Variants in TMEM126A observed in about 807,000 individuals in gnomAD.
TMEM126A encodes optic atrophy 7.
Under a neutral mutation model 18.3 loss-of-function variants are expected in TMEM126A, and 10 were observed. The observed-to-expected ratio is 0.55, with a 90% CI of 0.34 to 0.93. The LOEUF (loss-of-function observed/expected upper bound fraction) is 0.93, where lower values mean the gene tolerates loss of function less well. Among genes scored for constraint, TMEM126A ranks in the 40% least tolerant of loss-of-function variants. The pLI, the probability that TMEM126A is intolerant of heterozygous loss-of-function variation, is 0.02. For synonymous variants in TMEM126A, 68 were observed against 78.1 expected (o/e 0.87, Z 0.68); for missense variants, 246 against 230.2 (o/e 1.07, Z -0.44).
intron 3 of TMEM126A, chr11:85,655,321 C>T (rs555283799): frequency 2.8e-6 from 1 of 354,756 alleles, no homozygotes; most frequent in South Asian, 2.7e-5. Context: ...AAAAACAAGG[C>T]AGAAAGCTAG....
rs774514589 is a variant in TMEM126A, at chr11:85,656,297, G to A, written c.396-12G>A. The stretch of plus-strand genomic sequence containing the variant: ...ATCTTTTCTATTGAACTATCTCAAT[G>A]TTTTCTTACAGGTATCAATCAGCTC... On this transcript the variant is annotated splice_polypyrimidine_tract_variant and intron_variant, in intron 4 of 4. Transcript: ENST00000304511. 1.9e-6 allele frequency: 3 copies of A among 1,608,884 alleles called. No individual in the cohort carries two copies.
intron 2 of TMEM126A, among the ~76,000 whole-genome samples, chr11:85,652,024 T>A (rs914052892): frequency 1.3e-5 from 2 of 152,080 alleles, no homozygotes; most frequent in African/African-American, 4.8e-5. Flanking sequence ...ATTAGCCAGA[T>A]GTGGGGGCAC....
intron 2 of TMEM126A, among the ~76,000 whole-genome samples, chr11:85,653,553 TC>T (rs1161095468): frequency 3.3e-5 from 5 of 152,230 alleles, no homozygotes; most frequent in Admixed American, 6.5e-5. Flanking sequence ...CAAATCCAGT[TC>T]TACCACTACC....
At position 85,648,108 on chromosome 11, in the gene TMEM126A, A is replaced by T. The variant is rs910993897; in HGVS notation, c.-8+19A>T. On this transcript the variant is annotated intron_variant, in intron 1 of 4. Coordinates refer to ENST00000304511, the MANE Select transcript of TMEM126A (RefSeq NM_032273.4). Reference sequence around the variant, plus strand: ...GCATAAGGTACTGGTATTCCGGGGGAGGGGGTGAAGTAAATGTCCCGGTGT... The same window carrying T: ...GCATAAGGTACTGGTATTCCGGGGGTGGGGGTGAAGTAAATGTCCCGGTGT... 3.9e-5 allele frequency: 6 copies of T among 152,272 alleles called. No individual in the cohort carries two copies. The highest frequency in any genetic ancestry group is 9.7e-5 in the African/African-American group (4 of 41,430). The allele number at this position is 152,272 out of a possible 1,614,324, so 9.4% of individuals were successfully genotyped here.
chr11:85,648,391 C>T lies in TMEM126A; in HGVS notation c.-8+302C>T, dbSNP rs140108231. On this transcript the variant is annotated intron_variant, in intron 1 of 4. Coordinates refer to ENST00000304511, the MANE Select transcript of TMEM126A (RefSeq NM_032273.4). ...CCACTTTACTTCTCTTTCAGATAGGCCCCACACTGCCTATCTCTCAGAGCT... is the reference window on the plus strand; with the variant it reads ...CCACTTTACTTCTCTTTCAGATAGGTCCCACACTGCCTATCTCTCAGAGCT... Among the ~76,000 whole-genome samples the T allele has an allele frequency of 4.9e-3, 753 of 152,252 alleles. 6 individuals are homozygous for T. The highest frequency in any genetic ancestry group is 0.017 in the African/African-American group (710 of 41,544).
intron 4 of TMEM126A, 38 bp from the exon 5 acceptor site, chr11:85,656,271 A>G (rs1247440676): frequency 1.3e-6 from 2 of 1,585,066 alleles, no homozygotes; most frequent in Non-Finnish European, 1.7e-6. Flanking sequence ...TTGATGCAAC[A>G]ATCTTTTCTA....
intron 2 of TMEM126A, 62 bp from the exon 3 acceptor site, chr11:85,654,001 G>A (rs764488334): frequency 6.3e-7 from 1 of 1,576,662 alleles, no homozygotes; most frequent in Middle Eastern, 1.7e-4. Context: ...CACATGTCAA[G>A]ATCGGGAAAG....
chr11:85,648,469 A>G (rs1219040288), intron 1 of TMEM126A, among the ~76,000 whole-genome samples: 1 of 152,262 alleles, frequency 6.6e-6, no homozygotes, highest in African/African-American at 2.4e-5. Context: ...AAATATTTGT[A>G]GTTTTTACAG....
chr11:85,655,550 T>C, intron 3 of TMEM126A, 44 bp from the exon 4 acceptor site: 1 of 1,376,874 alleles, frequency 7.3e-7, no homozygotes, highest in African/African-American at 1.4e-5. Context: ...TCATGTTTGC[T>C]TGACTATCAT....
At position 85,655,724 on chromosome 11, in the gene TMEM126A, CT is replaced by C; in HGVS notation, c.395+21del. 2 of 1,555,222 alleles carry C rather than the reference CT, an allele frequency of 1.3e-6. No individual in the cohort carries two copies. The highest frequency in any genetic ancestry group is 1.8e-6 in the Non-Finnish European group (2 of 1,126,814). On this transcript the variant is annotated intron_variant, in intron 4 of 4. Transcript: ENST00000304511. Reference sequence around the variant, plus strand: ...TAGCAGCCAGGTAGGAAATAAAAAACTTTTTATAATATGTGATTACCTATAA... The same window carrying C: ...TAGCAGCCAGGTAGGAAATAAAAAACTTTTATAATATGTGATTACCTATAA...
chr11:85,655,617 A>C lies in TMEM126A; in HGVS notation c.304A>C (p.Thr102Pro). Residue 102 changes from threonine to proline, a missense_variant, in exon 4 of 5, where the codon ACC becomes CCC. By Grantham distance (38) the Thr-to-Pro change is conservative (BLOSUM62 -1). Coordinates refer to ENST00000304511, the MANE Select transcript of TMEM126A (RefSeq NM_032273.4). The part of the protein sequence containing the change: ...NTGDLDCETC[T>P]ITRSGLTGLV... ...AGGTGATTTGGATTGTGAAACCTGT[A>C]CCATAACACGGAGTGGACTGACTGG... The C allele has an allele frequency of 6.2e-7, 1 of 1,613,594 alleles. No homozygotes were observed. The highest frequency in any genetic ancestry group is 8.5e-7 in the Non-Finnish European group (1 of 1,179,612).
chr11:85,656,449 A>T lies in TMEM126A; in HGVS notation c.536A>T (p.Lys179Ile), dbSNP rs761188226. The T allele has an allele frequency of 6.2e-7, 1 of 1,613,356 alleles. No homozygotes were observed. Among genetic ancestry groups the T allele is most frequent in the South Asian group, 1.1e-5 (1 of 91,058 alleles). Residue 179 changes from lysine to isoleucine, a missense_variant, in exon 5 of 5, where the codon AAA becomes ATA. Physicochemically the swap from Lys to Ile is moderately radical, Grantham distance 102. Coordinates refer to ENST00000304511, the MANE Select transcript of TMEM126A (RefSeq NM_032273.4). ...FSAYLGSEQY[K>I]LLIKALQLSE... ...GCATACCTTGGGTCTGAACAATATA[A>T]ACTACTTATAAAGGCCCTTCAGTTA...
In TMEM126A at chr11:85,655,636, T is replaced by G; in HGVS notation, c.323T>G (p.Leu108Arg). 6.2e-7 allele frequency: 1 copy of G among 1,613,782 alleles called. No individual in the cohort carries two copies. The highest frequency in any genetic ancestry group is 8.5e-7 in the Non-Finnish European group (1 of 1,179,730). ...ACCTGTACCATAACACGGAGTGGACTGACTGGTCTTGTTATTGGTGGTCTA... is the reference window on the plus strand; with the variant it reads ...ACCTGTACCATAACACGGAGTGGACGGACTGGTCTTGTTATTGGTGGTCTA... ...CETCTITRSG[L>R]TGLVIGGLYP... The change falls in exon 4 of 5, where the codon CTG (leucine) becomes CGG (arginine). Residue 108 changes from leucine to arginine, a missense_variant. Leu to Arg is a moderately radical substitution (Grantham distance 102). Coordinates refer to ENST00000304511, the MANE Select transcript of TMEM126A (RefSeq NM_032273.4).
intron 4 of TMEM126A, 56 bp from the exon 5 acceptor site, chr11:85,656,253 T>A: frequency 6.8e-7 from 1 of 1,474,718 alleles, no homozygotes; most frequent in Non-Finnish European, 9.4e-7. Context: ...CACAGATGGG[T>A]TTGCCATTTG....
intron 2 of TMEM126A, among the ~76,000 whole-genome samples, chr11:85,652,695 T>G (rs1382558170): frequency 6.6e-6 from 1 of 152,108 alleles, no homozygotes. Flanking sequence ...AAAATCTGGT[T>G]GGGAGAGAGC....
intron 2 of TMEM126A, 76 bp from the exon 3 acceptor site, chr11:85,653,987 A>T (rs1280646354): frequency 6.5e-7 from 1 of 1,529,664 alleles, no homozygotes; most frequent in Non-Finnish European, 9.1e-7. Flanking sequence ...CCAAAGTCCT[A>T]TAACACATGT....
At chr11:85,656,118 G>A (rs964828296) in intron 4 of TMEM126A, among the ~76,000 whole-genome samples, 191 bp from the exon 5 acceptor site, 2 of 152,124 alleles carry the variant, frequency 1.3e-5, no homozygotes, top group African/African-American at 4.8e-5. Context: ...TCTTGCATCA[G>A]CAATCTATGC....
Position 85,656,540 on chromosome 11 carries a change from A to C in TMEM126A, c.*39A>C. 6.6e-7 allele frequency: 1 copy of C among 1,512,454 alleles called. No homozygotes were observed. The highest frequency in any genetic ancestry group is 1.1e-5 in the South Asian group (1 of 87,588). The allele number at this position is 1,512,454 out of a possible 1,614,324, so 93.7% of individuals were successfully genotyped here. ...TGTAAACAAAAATAAAATGGTAAAA[A>C]CAGTTTATGTCTAATGTTATGTCTA... is the stretch of plus-strand genomic sequence containing the variant. On this transcript the variant is annotated 3_prime_UTR_variant, in exon 5 of 5. Coordinates refer to ENST00000304511, the MANE Select transcript of TMEM126A (RefSeq NM_032273.4).
intron 2 of TMEM126A, among the ~76,000 whole-genome samples, chr11:85,653,283 T>C (rs543009725): frequency 6.6e-6 from 1 of 152,332 alleles, no homozygotes; most frequent in East Asian, 1.9e-4. Flanking sequence ...GAAGCTGAGT[T>C]CCTAGAAAAG....
Sources: gnomAD v4.1 joint callset for allele counts (sites outside exome capture counted in the v4.1 genomes callset) on GRCh38, gnomAD v4.1.1 for gene constraint, MANE v1.5 for transcripts, NCBI Gene and HGNC (gene_info 2026-07-23, HGNC 2026-07-21) for gene names.